The following PTPRD variants were observed in gnomAD, a reference collection of about 807,000 sequenced individuals.
PTPRD encodes protein tyrosine phosphatase receptor type D.
In PTPRD, 34 loss-of-function variants were observed where a neutral mutation model predicts 214.5. That is an observed-to-expected ratio of 0.16 (90% CI 0.12 to 0.21). PTPRD has a LOEUF of 0.21. Among genes scored for constraint, PTPRD ranks in the 10% least tolerant of loss-of-function variants. The pLI is 1.00. For missense variants in PTPRD, 2,545 were observed against 2,398.7 expected, an observed-to-expected ratio of 1.06 and a Z score of -1.27; for synonymous variants, 1,128 against 845.7, an observed-to-expected ratio of 1.33 and a Z score of -5.79.
intron 35 of PTPRD, among the ~76,000 whole-genome samples, chr9:8,424,572 G>T (rs2131775064): frequency 6.6e-6 from 1 of 152,212 alleles, no homozygotes; most frequent in South Asian, 2.1e-4. Flanking sequence ...GCACTATCTA[G>T]ACTCTGAAAC....
chr9:8,858,824 CACACAT>C (rs537666002), intron 11 of PTPRD, among the ~76,000 whole-genome samples: 2 of 140,258 alleles, frequency 1.4e-5, no homozygotes, highest in African/African-American at 2.6e-5. Flanking sequence ...CACACACACA[CACACAT>C]ACACACACAC....
intron 2 of PTPRD, among the ~76,000 whole-genome samples, chr9:10,502,905 C>A (rs1406976735): frequency 6.6e-6 from 1 of 151,970 alleles, no homozygotes; most frequent in Admixed American, 6.6e-5. Context: ...ATATTGATAG[C>A]AATCCCTCTA....
chr9:10,048,428 T>A (rs938701624), intron 3 of PTPRD, among the ~76,000 whole-genome samples: 1 of 152,168 alleles, frequency 6.6e-6, no homozygotes, highest in Non-Finnish European at 1.5e-5. Flanking sequence ...TGGCTTCTTA[T>A]ATAATCTTTG....
intron 8 of PTPRD, among the ~76,000 whole-genome samples, chr9:9,468,229 C>T (rs1027356387): frequency 6.6e-6 from 1 of 151,590 alleles, no homozygotes; most frequent in Non-Finnish European, 1.5e-5. Context: ...GAATCACTTT[C>T]AGTAATTTAT....
chr9:8,398,549 T>C (rs1021834974), intron 36 of PTPRD, among the ~76,000 whole-genome samples: 2 of 152,224 alleles, frequency 1.3e-5, no homozygotes, highest in African/African-American at 4.8e-5. Context: ...AATTCATATG[T>C]TAAACCTAAT....
chr9:10,320,393 T>C (rs529626901), intron 3 of PTPRD, among the ~76,000 whole-genome samples: 1 of 152,180 alleles, frequency 6.6e-6, no homozygotes, highest in Admixed American at 6.5e-5. Flanking sequence ...ATTGATAATT[T>C]AGCAAATCTT....
Position 10,400,148 on chromosome 9 carries a change from TGTA to T in PTPRD, c.-599-59134_-599-59132del, listed in dbSNP as rs926573567. ...ATTCAATTCTCGTCTCCTTCACTTA[TGTA>T]GTAGTCAGGCAGGTCAACTGAAGTC... On this transcript the variant is annotated intron_variant, in intron 2 of 45. Coordinates refer to ENST00000381196, the MANE Select transcript of PTPRD (RefSeq NM_002839.4). Among the ~76,000 whole-genome samples, 31 of 151,830 alleles carry T rather than the reference TGTA, an allele frequency of 2.0e-4. 1 individual carries two copies.
At chr9:9,309,569 G>A (rs955221144) in intron 9 of PTPRD, among the ~76,000 whole-genome samples, 4 of 152,030 alleles carry the variant, frequency 2.6e-5, no homozygotes, top group African/African-American at 9.7e-5. Context: ...TTTCTTTGAG[G>A]CTACAGATTT....
At chr9:10,097,993 G>C (rs1259417193) in intron 3 of PTPRD, among the ~76,000 whole-genome samples, 1 of 151,754 alleles carries the variant, frequency 6.6e-6, no homozygotes, top group Non-Finnish European at 1.5e-5. Flanking sequence ...CCATTACGGG[G>C]TACATACCCA....
intron 37 of PTPRD, among the ~76,000 whole-genome samples, chr9:8,378,083 G>C (rs1174807525): frequency 1.3e-5 from 2 of 152,040 alleles, no homozygotes; most frequent in African/African-American, 4.8e-5. Context: ...TCAACTTTGA[G>C]ACCACACAAA....
chr9:8,592,474 G>A lies in PTPRD; in HGVS notation c.352+40843C>T, dbSNP rs375553951. ...CAAGGACTTGAATAGCTCTGGGAAC[G>A]TGCACAGCTCTTTACTTGCAGAGTA... On this transcript the variant is annotated intron_variant, in intron 14 of 45. Transcript: ENST00000381196. 2.6e-5 allele frequency among the ~76,000 whole-genome samples: 4 copies of A among 152,196 alleles called. 1 individual carries two copies. The highest frequency in any genetic ancestry group is 2.1e-4 in the South Asian group (1 of 4,824).
At chr9:10,098,979 T>C (rs1591141657) in intron 3 of PTPRD, among the ~76,000 whole-genome samples, 1 of 151,646 alleles carries the variant, frequency 6.6e-6, no homozygotes, top group Non-Finnish European at 1.5e-5. Context: ...CTGACCAAAA[T>C]AGAACAATGG....
At chr9:8,363,871 C>A (rs536661352) in intron 39 of PTPRD, among the ~76,000 whole-genome samples, 3 of 152,184 alleles carry the variant, frequency 2.0e-5, no homozygotes, top group Non-Finnish European at 2.9e-5. Context: ...CTTGCATATG[C>A]AAGCTTTTAT....
At chr9:10,285,071 T>C (rs2095299148) in intron 3 of PTPRD, among the ~76,000 whole-genome samples, 1 of 152,204 alleles carries the variant, frequency 6.6e-6, no homozygotes, top group South Asian at 2.1e-4. Flanking sequence ...TTACTGGAAC[T>C]AAAAATTTAC....
intron 14 of PTPRD, among the ~76,000 whole-genome samples, chr9:8,599,076 C>T (rs1190889386): frequency 6.6e-6 from 1 of 152,070 alleles, no homozygotes; most frequent in Non-Finnish European, 1.5e-5. Context: ...CAGGTCTTTC[C>T]CAAGCTGTTC....
chr9:10,572,033 T>C (rs893851644), intron 2 of PTPRD, among the ~76,000 whole-genome samples: 1 of 152,090 alleles, frequency 6.6e-6, no homozygotes, highest in South Asian at 2.1e-4. Context: ...TGCTTCCTAA[T>C]ACATTACTCT....
intron 3 of PTPRD, among the ~76,000 whole-genome samples, chr9:10,272,370 T>G (rs1161451936): frequency 6.6e-6 from 1 of 152,234 alleles, no homozygotes. Flanking sequence ...TTTGAGTTAT[T>G]TCTACTTTTT....
At chr9:9,276,032 T>C (rs1945502905) in intron 9 of PTPRD, among the ~76,000 whole-genome samples, 1 of 151,328 alleles carries the variant, frequency 6.6e-6, no homozygotes, top group South Asian at 2.1e-4. Flanking sequence ...AAAGACATCA[T>C]CTCAGCCCTA....
intron 3 of PTPRD, among the ~76,000 whole-genome samples, chr9:10,047,989 C>G (rs924814798): frequency 6.6e-6 from 1 of 152,164 alleles, no homozygotes; most frequent in Non-Finnish European, 1.5e-5. Flanking sequence ...CCCATTATAA[C>G]AGAGTGAACT....
Sources: allele counts gnomAD v4.1 joint callset (sites outside exome capture counted in the v4.1 genomes callset), GRCh38; gene constraint gnomAD v4.1.1; transcripts MANE v1.5; gene names NCBI Gene and HGNC (gene_info 2026-07-23, HGNC 2026-07-21).